EDNRA: variants seen among roughly 807,000 people sequenced by gnomAD.
EDNRA encodes endothelin receptor type A.
In EDNRA, 11 loss-of-function variants were observed where a neutral mutation model predicts 41.4. The ratio of observed to expected loss-of-function variants is 0.27; its 90% CI spans 0.17 to 0.44. The LOEUF is 0.44. Ranked by LOEUF, EDNRA falls within the 20% of genes least tolerant of loss-of-function variation. EDNRA has a pLI of 1.00. For missense variants in EDNRA, 294 were observed against 531.0 expected (o/e 0.55, Z 4.39); for synonymous variants, 172 against 183.0 (o/e 0.94, Z 0.49).
At chr4:147,518,949 A>G (rs554833791) in intron 2 of EDNRA, among the ~76,000 whole-genome samples, 93 of 152,344 alleles carry the variant, frequency 6.1e-4, no homozygotes, top group Middle Eastern at 3.4e-3. Flanking sequence ...TGCTCCTAGT[A>G]TAATACCTAA....
At chr4:147,510,090 T>C (rs1440296546) in intron 2 of EDNRA, among the ~76,000 whole-genome samples, 1 of 152,184 alleles carries the variant, frequency 6.6e-6, no homozygotes, top group African/African-American at 2.4e-5. Context: ...TGATCAGATT[T>C]GACTTTACAA....
At chr4:147,523,072 T>C (rs1043910853) in intron 3 of EDNRA, among the ~76,000 whole-genome samples, 4 of 152,334 alleles carry the variant, frequency 2.6e-5, no homozygotes, top group African/African-American at 7.2e-5. Flanking sequence ...GTCTAAAGAT[T>C]TGAAGTCAGC....
At chr4:147,503,767 C>G (rs947947917) in intron 2 of EDNRA, among the ~76,000 whole-genome samples, 1 of 152,092 alleles carries the variant, frequency 6.6e-6, no homozygotes, top group Non-Finnish European at 1.5e-5. Context: ...AATTTTTGTT[C>G]TCAGCACCCC....
At chr4:147,520,148 T>A (rs1460509993) in intron 3 of EDNRA, among the ~76,000 whole-genome samples, 170 bp downstream of exon 3, 1 of 152,236 alleles carries the variant, frequency 6.6e-6, no homozygotes, top group Non-Finnish European at 1.5e-5. Flanking sequence ...CCACATTTGC[T>A]GATTATTAGC....
At chr4:147,496,019 C>A (rs1729288092) in intron 2 of EDNRA, 1 of 152,132 alleles carries the variant, frequency 6.6e-6, no homozygotes, top group Non-Finnish European at 1.5e-5. Flanking sequence ...TTATTAATTC[C>A]TAATTTTAAA....
intron 3 of EDNRA, among the ~76,000 whole-genome samples, chr4:147,520,217 G>A (rs1332172520): frequency 1.3e-5 from 2 of 152,040 alleles, no homozygotes; most frequent in South Asian, 2.1e-4. Context: ...CCCATTTGAC[G>A]CCCTTTTGGC....
intron 2 of EDNRA, chr4:147,491,234 A>G (rs920593816): frequency 6.6e-6 from 1 of 152,208 alleles, no homozygotes; most frequent in African/African-American, 2.4e-5. Flanking sequence ...AAGACTCTCA[A>G]TATGTTGCTC....
At chr4:147,514,121 A>C (rs1730016282) in intron 2 of EDNRA, among the ~76,000 whole-genome samples, 2 of 152,214 alleles carry the variant, frequency 1.3e-5, no homozygotes. Context: ...GCATTAACCC[A>C]TTTGAGCACC....
chr4:147,542,165 C>G (rs765483664), intron 7 of EDNRA, among the ~76,000 whole-genome samples: 7 of 152,178 alleles, frequency 4.6e-5, no homozygotes, highest in South Asian at 4.1e-4. Context: ...AGGACCCCCC[C>G]ACCAGCCCAG....
chr4:147,492,958 G>A (rs962807076), intron 2 of EDNRA: 1 of 152,018 alleles, frequency 6.6e-6, no homozygotes, highest in Non-Finnish European at 1.5e-5. Context: ...CTCATGTGAG[G>A]TTACTCTGCT....
intron 3 of EDNRA, among the ~76,000 whole-genome samples, chr4:147,522,007 A>G (rs1288594302): frequency 6.6e-6 from 1 of 152,186 alleles, no homozygotes; most frequent in Non-Finnish European, 1.5e-5. Flanking sequence ...ACACACTGAC[A>G]AATCAGTGGG....
chr4:147,510,678 G>A (rs892038419), intron 2 of EDNRA, among the ~76,000 whole-genome samples: 1 of 152,132 alleles, frequency 6.6e-6, no homozygotes, highest in African/African-American at 2.4e-5. Context: ...TCCTTTGAGA[G>A]TAATGAAATA....
intron 3 of EDNRA, among the ~76,000 whole-genome samples, chr4:147,525,458 C>A (rs1730501574): frequency 6.6e-6 from 1 of 152,080 alleles, no homozygotes; most frequent in African/African-American, 2.4e-5. Flanking sequence ...CTTTTTAATT[C>A]TAAGGCAGTA....
At chr4:147,498,287 G>A (rs1729385334) in intron 2 of EDNRA, among the ~76,000 whole-genome samples, 3 of 152,084 alleles carry the variant, frequency 2.0e-5, no homozygotes, top group Non-Finnish European at 4.4e-5. Flanking sequence ...ATAGCTTCAC[G>A]GTAATATTTT....
intron 7 of EDNRA, 65 bp downstream of exon 7, chr4:147,540,550 A>C (rs200179747): frequency 9.0e-7 from 1 of 1,106,944 alleles, no homozygotes; most frequent in Non-Finnish European, 1.3e-6. Context: ...GTCAACAGAC[A>C]CAGCCAATTC....
chr4:147,508,139 T>G (rs1226688689), intron 2 of EDNRA, among the ~76,000 whole-genome samples: 1 of 152,094 alleles, frequency 6.6e-6, no homozygotes, highest in East Asian at 1.9e-4. Context: ...TTTATTTTAT[T>G]TATTTATTTT....
chr4:147,534,404 G>A (rs1730851942), intron 4 of EDNRA, among the ~76,000 whole-genome samples: 1 of 152,322 alleles, frequency 6.6e-6, no homozygotes, highest in Admixed American at 6.5e-5. Context: ...TTGGGAGTTT[G>A]CACTTAACCT....
At chr4:147,511,278 T>G (rs1051285449) in intron 2 of EDNRA, among the ~76,000 whole-genome samples, 4 of 152,238 alleles carry the variant, frequency 2.6e-5, no homozygotes, top group African/African-American at 9.6e-5. Context: ...CTTTGTCTTC[T>G]ATTTTGCTTA....
intron 4 of EDNRA, among the ~76,000 whole-genome samples, chr4:147,535,510 A>C (rs1270561783): frequency 6.6e-6 from 1 of 152,224 alleles, no homozygotes; most frequent in African/African-American, 2.4e-5. Context: ...AAATAAAGAT[A>C]AACATGTATA....
Sources: allele counts gnomAD v4.1 joint callset (sites outside exome capture counted in the v4.1 genomes callset), GRCh38; gene constraint gnomAD v4.1.1; transcripts MANE v1.5; gene names NCBI Gene and HGNC (gene_info 2026-07-23, HGNC 2026-07-21).